UBE2K: variants seen among roughly 807,000 people sequenced by gnomAD.
UBE2K encodes the protein ubiquitin-conjugating enzyme E2 K.
In UBE2K, 6 loss-of-function variants were observed where a neutral mutation model predicts 30.0. That is an observed-to-expected ratio of 0.20 (90% CI 0.11 to 0.39). UBE2K has a LOEUF of 0.39. UBE2K is among the 10% of genes least tolerant of loss of function. The pLI, the probability that UBE2K is intolerant of heterozygous loss-of-function variation, is 1.00. For synonymous variants in UBE2K, 86 were observed against 83.7 expected (o/e 1.03, Z -0.15); for missense variants, 61 against 241.6 (o/e 0.25, Z 4.96).
intron 1 of UBE2K, among the ~76,000 whole-genome samples, chr4:39,701,261 A>G (rs889709903): frequency 3.3e-5 from 5 of 152,224 alleles, no homozygotes; most frequent in African/African-American, 1.2e-4. Context: ...GATGTAAAGT[A>G]CATTTTATAA....
chr4:39,741,386 T>G (rs1001461487), intron 2 of UBE2K, among the ~76,000 whole-genome samples: 3 of 152,246 alleles, frequency 2.0e-5, no homozygotes, highest in African/African-American at 7.2e-5. Context: ...TCTGTTATTT[T>G]ATATAAAACT....
intron 1 of UBE2K, among the ~76,000 whole-genome samples, chr4:39,725,321 T>C (rs148090015): frequency 7.3e-6 from 1 of 136,202 alleles, no homozygotes; most frequent in South Asian, 2.3e-4. Flanking sequence ...CAGTTTGCAG[T>C]GAGCCATGAT....
At chr4:39,773,959 CAACAAGAAA>C (rs1713113550) in intron 4 of UBE2K, among the ~76,000 whole-genome samples, 1 of 151,892 alleles carries the variant, frequency 6.6e-6, no homozygotes, top group South Asian at 2.1e-4. Context: ...AGGATCTTGG[CAACAAGAAA>C]AACAAGGACA....
intron 4 of UBE2K, among the ~76,000 whole-genome samples, chr4:39,772,595 A>G (rs1232902494): frequency 1.3e-5 from 2 of 150,148 alleles, no homozygotes; most frequent in Non-Finnish European, 3.0e-5. Context: ...AAGAAGAATG[A>G]TCTAATTTAC....
chr4:39,706,946 A>T (rs1718399249), intron 1 of UBE2K, among the ~76,000 whole-genome samples: 1 of 151,894 alleles, frequency 6.6e-6, no homozygotes, highest in Non-Finnish European at 1.5e-5. Context: ...AGTCTCTGTC[A>T]CCCAGCCTGG....
intron 4 of UBE2K, among the ~76,000 whole-genome samples, chr4:39,769,831 C>G (rs138131894): frequency 6.6e-6 from 1 of 152,148 alleles, no homozygotes; most frequent in Non-Finnish European, 1.5e-5. Context: ...AAATCTTTCT[C>G]TGGGACCCCG....
chr4:39,738,366 C>T (rs1442588671), intron 2 of UBE2K, among the ~76,000 whole-genome samples: 3 of 152,150 alleles, frequency 2.0e-5, no homozygotes, highest in Non-Finnish European at 2.9e-5. Flanking sequence ...AGAGAAGTAA[C>T]TTGTTTAAGG....
chr4:39,782,031 A>G lies in UBE2K; in HGVS notation c.*3597A>G, dbSNP rs1436891890. 2 of 398,138 alleles carry G rather than the reference A, an allele frequency of 5.0e-6. No individual in the cohort carries two copies. The highest frequency in any genetic ancestry group is 3.6e-5 in the East Asian group (1 of 28,044). The allele number at this position is 398,138 out of a possible 1,614,324, so 24.7% of individuals were successfully genotyped here. ...TGCACTGCTGCAATATAGATCAAAG[A>G]TCTTGTGGCATAGGGGTAGGGGAGT... On this transcript the variant is annotated 3_prime_UTR_variant, in exon 7 of 7. Transcript: ENST00000261427.
intron 5 of UBE2K, among the ~76,000 whole-genome samples, chr4:39,776,720 T>C (rs936666878): frequency 1.3e-5 from 2 of 152,168 alleles, no homozygotes; most frequent in East Asian, 1.9e-4. Flanking sequence ...TATGTATATA[T>C]CCTTGTCAAT....
chr4:39,723,362 C>CT (rs529806724), intron 1 of UBE2K, among the ~76,000 whole-genome samples: 73,152 of 108,294 alleles, frequency 0.68, 25,694 homozygotes, highest in African/African-American at 0.78. Context: ...GCTGTCTTCT[C>CT]TTTTTTTTTT....
rs1712934588 is a variant in UBE2K at position 39,772,230 on chromosome 4, G to C, written c.300-2604G>C. ...AACAGTCACTAATTTTTTCTATTTT[G>C]TGGTTCAAATCAGGAACCCAGTTGA... On this transcript the variant is annotated intron_variant, in intron 4 of 6. Transcript: ENST00000261427. Among the ~76,000 whole-genome samples the C allele has an allele frequency of 3.9e-5, 6 of 151,998 alleles. No homozygotes were observed. In the South Asian group the frequency reaches 1.2e-3, roughly 32 times the overall value.
At chr4:39,775,612 C>T (rs1021056709) in intron 5 of UBE2K, among the ~76,000 whole-genome samples, 13 of 152,170 alleles carry the variant, frequency 8.5e-5, no homozygotes, top group South Asian at 4.2e-4. Context: ...ACTAGCCTGG[C>T]GTGGTGGCAC....
chr4:39,773,245 G>A (rs1392657008), intron 4 of UBE2K, among the ~76,000 whole-genome samples: 2 of 151,536 alleles, frequency 1.3e-5, no homozygotes, highest in Non-Finnish European at 2.9e-5. Flanking sequence ...CAAGGCGGGC[G>A]GATCACAAGG....
chr4:39,778,374 G>C lies in UBE2K; in HGVS notation c.543G>C (p.Val181=). ...CTTCTCTACAGAATGCAGTAATAGT[G>C]GCCTTGTCTTCAAAATCATGGGATG... ...AMGFDRNAVI[V]ALSSKSWDVE... Residue 181 remains valine, a synonymous_variant, in exon 7 of 7, where the codon GTG becomes GTC. Coordinates refer to ENST00000261427, the MANE Select transcript of UBE2K (RefSeq NM_005339.5). The C allele has an allele frequency of 6.2e-7, 1 of 1,611,572 alleles. No individual in the cohort carries two copies. The highest frequency in any genetic ancestry group is 8.5e-7 in the Non-Finnish European group (1 of 1,178,406).
chr4:39,714,550 A>ATATATATTTTTTTTTTT, intron 1 of UBE2K: 2 of 17,854 alleles, frequency 1.1e-4, no homozygotes, highest in African/African-American at 4.9e-4. Flanking sequence ...ATATATATAT[A>ATATATATTTTTTTTTTT]TTTTTTTTTT....
At chr4:39,769,350 C>T (rs1393947241) in intron 4 of UBE2K, among the ~76,000 whole-genome samples, 1 of 150,718 alleles carries the variant, frequency 6.6e-6, no homozygotes, top group Non-Finnish European at 1.5e-5. Context: ...CTACTCCTCT[C>T]CCTCCCTCCC....
chr4:39,742,597 C>G (rs1720764160), intron 2 of UBE2K, among the ~76,000 whole-genome samples: 1 of 152,016 alleles, frequency 6.6e-6, no homozygotes, highest in African/African-American at 2.4e-5. Context: ...AAAAAATTAG[C>G]CAGGCATGGT....
chr4:39,756,419 T>C (rs1463741216), intron 4 of UBE2K, among the ~76,000 whole-genome samples: 1 of 152,212 alleles, frequency 6.6e-6, no homozygotes, highest in Non-Finnish European at 1.5e-5. Context: ...TAAGTTACTT[T>C]ATGTAATTCC....
intron 4 of UBE2K, among the ~76,000 whole-genome samples, chr4:39,760,250 A>G (rs1243022251): frequency 6.6e-6 from 1 of 151,288 alleles, no homozygotes; most frequent in Admixed American, 6.6e-5. Context: ...AGTAATATCT[A>G]CCAAAGCTAA....
Sources: allele counts gnomAD v4.1 joint callset (sites outside exome capture counted in the v4.1 genomes callset), GRCh38; gene constraint gnomAD v4.1.1; transcripts MANE v1.5; gene names NCBI Gene and HGNC (gene_info 2026-07-23, HGNC 2026-07-21).